SGCZ: variants seen among roughly 807,000 people sequenced by gnomAD.
SGCZ encodes the protein zeta-sarcoglycan.
A neutral mutation model predicts 41.3 loss-of-function variants in SGCZ; 40 were observed. The observed-to-expected ratio is 0.97, with a 90% CI of 0.75 to 1.26. The LOEUF (loss-of-function observed/expected upper bound fraction) is 1.26. Among genes scored for constraint, SGCZ ranks in the 50% most tolerant of loss-of-function variants. The pLI is 0.00. For missense variants in SGCZ, 552 were observed against 369.8 expected (o/e 1.49, Z -4.04); for synonymous variants, 206 against 137.5 (o/e 1.50, Z -3.49).
intron 1 of SGCZ, among the ~76,000 whole-genome samples, chr8:14,959,819 G>C (rs1222241723): frequency 6.6e-6 from 1 of 152,134 alleles, no homozygotes; most frequent in Non-Finnish European, 1.5e-5. Flanking sequence ...CAAATATACA[G>C]TCACTATCTT....
intron 2 of SGCZ, among the ~76,000 whole-genome samples, chr8:14,379,216 G>A (rs189828081): frequency 6.6e-6 from 1 of 152,078 alleles, no homozygotes; most frequent in Non-Finnish European, 1.5e-5. Flanking sequence ...ATATACCTAG[G>A]AAACCCAGGA....
intron 4 of SGCZ, among the ~76,000 whole-genome samples, chr8:14,195,747 A>G (rs954646954): frequency 1.3e-5 from 2 of 152,188 alleles, no homozygotes; most frequent in African/African-American, 2.4e-5. Flanking sequence ...TAGGAGAGCA[A>G]TATCTTTAAA....
At position 14,168,112 on chromosome 8, in the gene SGCZ, A is replaced by G. The variant is rs892561043; in HGVS notation, c.425-3410T>C. 1.4e-4 allele frequency among the ~76,000 whole-genome samples: 21 copies of G among 152,114 alleles called. No homozygotes were observed. The East Asian group carries it at 3.9e-3, about 28-fold the overall frequency. ...CTTTTCTATATAACTCTTCACTTTA[A>G]TCTTAGATGCCTGTCAGTATTTTCA... On this transcript the variant is annotated intron_variant, in intron 4 of 7. Coordinates refer to ENST00000382080, the MANE Select transcript of SGCZ (RefSeq NM_139167.4).
intron 1 of SGCZ, among the ~76,000 whole-genome samples, chr8:14,767,160 G>C (rs538572554): frequency 1.3e-3 from 196 of 152,234 alleles, no homozygotes; most frequent in Non-Finnish European, 1.9e-3. Context: ...CCAATGTGAT[G>C]ATGAGATGTG....
At chr8:14,114,744 T>C (rs774202318) in intron 5 of SGCZ, among the ~76,000 whole-genome samples, 1 of 152,012 alleles carries the variant, frequency 6.6e-6, no homozygotes, top group Non-Finnish European at 1.5e-5. Flanking sequence ...GAAATTAGAC[T>C]AAAATATATC....
chr8:14,325,438 C>G (rs1253634018), intron 2 of SGCZ, among the ~76,000 whole-genome samples: 2 of 149,482 alleles, frequency 1.3e-5, no homozygotes, highest in African/African-American at 2.4e-5. Flanking sequence ...CACTTTCTAA[C>G]ATTATATCTC....
intron 1 of SGCZ, among the ~76,000 whole-genome samples, chr8:14,920,322 C>A (rs941630828): frequency 1.3e-5 from 2 of 152,162 alleles, no homozygotes; most frequent in Non-Finnish European, 2.9e-5. Context: ...GGATCACATG[C>A]CAGCAAATCT....
chr8:14,321,134 T>C (rs1801903505), intron 3 of SGCZ, among the ~76,000 whole-genome samples: 1 of 152,100 alleles, frequency 6.6e-6, no homozygotes, highest in Non-Finnish European at 1.5e-5. Context: ...ATTACACATC[T>C]TTTGTATTGT....
chr8:14,616,294 A>AAG (rs1463319753), intron 1 of SGCZ, among the ~76,000 whole-genome samples: 1 of 147,518 alleles, frequency 6.8e-6, no homozygotes, highest in African/African-American at 2.5e-5. Flanking sequence ...AAAAAAAAAA[A>AAG]GAAAAAAAGA....
chr8:14,272,047 A>G (rs2117265677), intron 3 of SGCZ, among the ~76,000 whole-genome samples: 1 of 152,264 alleles, frequency 6.6e-6, no homozygotes, highest in South Asian at 2.1e-4. Flanking sequence ...TCTGTTGCCC[A>G]TGCTGGAGTT....
rs571125409 is a variant in SGCZ, at chr8:14,267,181, G to C, written c.337-29502C>G. On this transcript the variant is annotated intron_variant, in intron 3 of 7. Transcript: ENST00000382080. ...ATTATTTTCTTTTTTAGTACATTAT[G>C]GATTAAGTAATATCCTTGACAATAT... Among the ~76,000 whole-genome samples, 31 of 151,956 alleles carry C rather than the reference G, an allele frequency of 2.0e-4. No individual in the cohort carries two copies. In the South Asian group the frequency reaches 5.4e-3, roughly 26 times the overall value.
At chr8:14,139,770 G>A (rs1375949566) in intron 5 of SGCZ, among the ~76,000 whole-genome samples, 2 of 152,120 alleles carry the variant, frequency 1.3e-5, no homozygotes, top group African/African-American at 2.4e-5. Flanking sequence ...AGAGAAGCTG[G>A]TACCATTCCT....
chr8:15,201,104 C>A (rs1800874543), intron 1 of SGCZ, among the ~76,000 whole-genome samples: 2 of 152,204 alleles, frequency 1.3e-5, no homozygotes, highest in African/African-American at 4.8e-5. Flanking sequence ...GCAACCTCCG[C>A]CTCCCAGGTT....
intron 1 of SGCZ, among the ~76,000 whole-genome samples, chr8:14,934,434 C>G (rs1395876237): frequency 1.3e-5 from 2 of 151,742 alleles, no homozygotes; most frequent in Non-Finnish European, 2.9e-5. Flanking sequence ...AAGGGAACTT[C>G]TAGTAATGAA....
chr8:15,219,585 G>A (rs562273174), intron 1 of SGCZ, among the ~76,000 whole-genome samples: 9 of 152,234 alleles, frequency 5.9e-5, no homozygotes, highest in African/African-American at 1.4e-4. Flanking sequence ...TACACTGTTC[G>A]TATCCCATTA....
intron 4 of SGCZ, among the ~76,000 whole-genome samples, chr8:14,235,038 T>C (rs184755283): frequency 6.6e-6 from 1 of 152,282 alleles, no homozygotes; most frequent in Admixed American, 6.5e-5. Flanking sequence ...AGATTCAATA[T>C]ACAATTCCCT....
chr8:15,096,716 T>G (rs1195974276), intron 1 of SGCZ, among the ~76,000 whole-genome samples: 1 of 152,180 alleles, frequency 6.6e-6, no homozygotes, highest in Non-Finnish European at 1.5e-5. Context: ...AGACACAGTC[T>G]CGCTCTGTCT....
chr8:14,924,645 C>T (rs1229100458), intron 1 of SGCZ, among the ~76,000 whole-genome samples: 1 of 151,914 alleles, frequency 6.6e-6, no homozygotes, highest in Non-Finnish European at 1.5e-5. Context: ...TTGTTAGTGA[C>T]ATTTATTTAG....
chr8:15,205,916 T>C (rs1044204971), intron 1 of SGCZ, among the ~76,000 whole-genome samples: 12 of 152,120 alleles, frequency 7.9e-5, no homozygotes, highest in African/African-American at 2.9e-4. Flanking sequence ...TAAAAAAGAA[T>C]GAAATTGTGT....
Sources: gnomAD v4.1 joint callset for allele counts (sites outside exome capture counted in the v4.1 genomes callset) on GRCh38, gnomAD v4.1.1 for gene constraint, MANE v1.5 for transcripts, NCBI Gene and HGNC (gene_info 2026-07-23, HGNC 2026-07-21) for gene names.